Variants in OR1J2 observed in about 807,000 individuals in gnomAD.
OR1J2 encodes olfactory receptor family 1 subfamily J member 2.
For synonymous variants in OR1J2, 142 were observed against 99.7 expected, an observed-to-expected ratio of 1.42 and a Z score of -2.52; for missense variants, 304 against 246.1, an observed-to-expected ratio of 1.24 and a Z score of -1.57.
downstream of OR1J2, among the ~76,000 whole-genome samples, chr9:122,515,487 C>T (rs546706937): frequency 3.0e-4 from 45 of 150,388 alleles, no homozygotes; most frequent in South Asian, 1.2e-3. Context: ...CGGCCAATGA[C>T]TCTCATGTCT....
At chr9:122,553,095 T>G in the OR1J2 span, 2 of 1,006,474 alleles carry the variant, frequency 2.0e-6, no homozygotes, top group Non-Finnish European at 2.8e-6. Flanking sequence ...TATTTTTCTT[T>G]TCTTTTTCTC....
chr9:122,519,427 G>A, the OR1J2 span: 1 of 1,614,008 alleles, frequency 6.2e-7, no homozygotes, highest in Non-Finnish European at 8.5e-7. Flanking sequence ...CTTTATGCAG[G>A]GTGTGTAACT....
chr9:122,503,442 T>C, the OR1J2 span, among the ~76,000 whole-genome samples: 1 of 152,242 alleles, frequency 6.6e-6, no homozygotes, highest in African/African-American at 2.4e-5. Context: ...AGGAAGTCCA[T>C]GCTGTTGGAC....
At chr9:122,551,999 AAT>A in the OR1J2 span, among the ~76,000 whole-genome samples, 3 of 150,416 alleles carry the variant, frequency 2.0e-5, no homozygotes, top group African/African-American at 4.9e-5. Context: ...ACTGATCCAT[AAT>A]CTGACAGGTG....
the OR1J2 span, among the ~76,000 whole-genome samples, chr9:122,569,116 G>A: frequency 6.6e-6 from 1 of 151,980 alleles, no homozygotes; most frequent in African/African-American, 2.4e-5. Context: ...ACTGTTGAAC[G>A]CAGTCAATAG....
At chr9:122,495,083 G>A in the OR1J2 span, among the ~76,000 whole-genome samples, 1 of 152,122 alleles carries the variant, frequency 6.6e-6, no homozygotes, top group East Asian at 1.9e-4. Flanking sequence ...TCATTTATAG[G>A]TTACCTGATG....
chr9:122,541,892 CAAT>C, the OR1J2 span, among the ~76,000 whole-genome samples: 170 of 152,230 alleles, frequency 1.1e-3, no homozygotes, highest in African/African-American at 3.9e-3. Context: ...GAGCACAGCT[CAAT>C]AATTTTTTCA....
chr9:122,558,958 G>A, the OR1J2 span, among the ~76,000 whole-genome samples: 6 of 151,908 alleles, frequency 3.9e-5, no homozygotes, highest in Non-Finnish European at 8.8e-5. Context: ...ATAAGGTACA[G>A]GGTGATATTT....
At chr9:122,575,201 G>A in the OR1J2 span, among the ~76,000 whole-genome samples, 5 of 151,994 alleles carry the variant, frequency 3.3e-5, no homozygotes, top group African/African-American at 1.2e-4. Context: ...TGTTGGCTTC[G>A]TAGAATGAAT....
chr9:122,563,184 A>ATTTTTT, the OR1J2 span, among the ~76,000 whole-genome samples: 1 of 149,364 alleles, frequency 6.7e-6, no homozygotes. Context: ...AGCATTTGTT[A>ATTTTTT]TTTTTTTTTT....
chr9:122,520,699 G>A, the OR1J2 span, among the ~76,000 whole-genome samples: 2 of 152,158 alleles, frequency 1.3e-5, no homozygotes, highest in African/African-American at 4.8e-5. Context: ...CTTACTCCAG[G>A]TAATGAATGA....
At chr9:122,549,954 T>C in the OR1J2 span, among the ~76,000 whole-genome samples, 1 of 152,168 alleles carries the variant, frequency 6.6e-6, no homozygotes, top group Non-Finnish European at 1.5e-5. Flanking sequence ...TTGGGCAGCA[T>C]GGTAATTTTA....
chr9:122,491,026 G>T, the OR1J2 span, among the ~76,000 whole-genome samples: 24 of 152,270 alleles, frequency 1.6e-4, no homozygotes, highest in African/African-American at 5.3e-4. Flanking sequence ...TTATGAAAGT[G>T]TGTATAAGAG....
the OR1J2 span, chr9:122,554,266 C>T: frequency 3.4e-5 from 29 of 858,432 alleles, no homozygotes; most frequent in Middle Eastern, 2.5e-4. Flanking sequence ...GAAGGTTATC[C>T]GTTGACTCTG....
chr9:122,531,457 G>A, the OR1J2 span, among the ~76,000 whole-genome samples: 3 of 152,280 alleles, frequency 2.0e-5, no homozygotes, highest in Non-Finnish European at 1.5e-5. Flanking sequence ...AGGGATGGCA[G>A]GTTTTTTGGG....
At chr9:122,525,431 G>A in the OR1J2 span, among the ~76,000 whole-genome samples, 1 of 152,158 alleles carries the variant, frequency 6.6e-6, no homozygotes, top group African/African-American at 2.4e-5. Context: ...CCAGATGTAA[G>A]AAATCAAAAC....
chr9:122,537,806 C>G, the OR1J2 span, among the ~76,000 whole-genome samples: 27,338 of 151,966 alleles, frequency 0.18, 2,969 homozygotes, highest in East Asian at 0.34. Context: ...AGCAGAAGCA[C>G]AAGGTTAATA....
chr9:122,578,236 G>A, the OR1J2 span: 1 of 152,312 alleles, frequency 6.6e-6, no homozygotes, highest in East Asian at 1.9e-4. Context: ...GAATCATGAG[G>A]TCAGGAGTTT....
At chr9:122,576,745 T>C in the OR1J2 span, 1 of 152,240 alleles carries the variant, frequency 6.6e-6, no homozygotes, top group Non-Finnish European at 1.5e-5. Context: ...AATTCATCAA[T>C]TACAGTTCAG....
Sources: allele counts gnomAD v4.1 joint callset (sites outside exome capture counted in the v4.1 genomes callset), GRCh38; gene constraint gnomAD v4.1.1; transcripts MANE v1.5; gene names NCBI Gene and HGNC (gene_info 2026-07-23, HGNC 2026-07-21).